NBEAL1: variants seen among roughly 807,000 people sequenced by gnomAD.
The protein encoded by NBEAL1 is neurobeachin like 1.
A neutral mutation model predicts 351.3 loss-of-function variants in NBEAL1; 273 were observed. The ratio of observed to expected loss-of-function variants is 0.78; its 90% CI spans 0.70 to 0.86. The LOEUF is 0.86. Ranked by LOEUF, NBEAL1 falls within the 40% of genes least tolerant of loss-of-function variation. The pLI, the probability that NBEAL1 is intolerant of heterozygous loss-of-function variation, is 0.00. For missense variants in NBEAL1, 2,961 were observed against 3,201.3 expected, an observed-to-expected ratio of 0.92 and a Z score of 1.81; for synonymous variants, 1,050 against 1,086.4, an observed-to-expected ratio of 0.97 and a Z score of 0.66.
intron 51 of NBEAL1, among the ~76,000 whole-genome samples, chr2:203,208,189 G>A (rs1241255585): frequency 6.6e-6 from 1 of 152,098 alleles, no homozygotes; most frequent in Non-Finnish European, 1.5e-5. Flanking sequence ...GGGAGGCTAA[G>A]GTGGGAGGAT....
At chr2:203,211,814 A>G (rs914452692) in intron 54 of NBEAL1, among the ~76,000 whole-genome samples, 1 of 152,190 alleles carries the variant, frequency 6.6e-6, no homozygotes, top group Non-Finnish European at 1.5e-5. Flanking sequence ...GTGTGTGTAT[A>G]AAATTGTTAT....
chr2:203,171,394 TA>T (rs2064314765), intron 39 of NBEAL1, among the ~76,000 whole-genome samples: 1 of 151,826 alleles, frequency 6.6e-6, no homozygotes, highest in Non-Finnish European at 1.5e-5. Flanking sequence ...CACTTGAGGC[TA>T]GGAGTTTGAG....
chr2:203,117,335 C>T (rs1245885680), intron 18 of NBEAL1, among the ~76,000 whole-genome samples: 17 of 151,896 alleles, frequency 1.1e-4, no homozygotes, highest in Non-Finnish European at 2.4e-4. Flanking sequence ...CGGTGGCGGG[C>T]GCCTGTAGTC....
At chr2:203,210,052 A>G (rs942428077) in intron 53 of NBEAL1, among the ~76,000 whole-genome samples, 1 of 152,060 alleles carries the variant, frequency 6.6e-6, no homozygotes, top group Non-Finnish European at 1.5e-5. Flanking sequence ...TGCCCAGCCT[A>G]AGCTTTTTCA....
At chr2:203,085,387 C>G (rs999550359) in intron 10 of NBEAL1, 1 of 152,250 alleles carries the variant, frequency 6.6e-6, no homozygotes, top group Non-Finnish European at 1.5e-5. Flanking sequence ...CGTGCCTGGC[C>G]GAGACATAGC....
At chr2:203,150,475 A>G (rs2063621365) in intron 34 of NBEAL1, among the ~76,000 whole-genome samples, 1 of 151,994 alleles carries the variant, frequency 6.6e-6, no homozygotes, top group South Asian at 2.1e-4. Flanking sequence ...CTGATCATAT[A>G]TATGATTTTC....
chr2:203,194,776 T>C (rs2065188783), intron 47 of NBEAL1, among the ~76,000 whole-genome samples: 1 of 152,168 alleles, frequency 6.6e-6, no homozygotes, highest in South Asian at 2.1e-4. Flanking sequence ...CAGGCTGTAG[T>C]TTGTAAAACC....
chr2:203,122,593 G>C (rs1251980191), intron 19 of NBEAL1, among the ~76,000 whole-genome samples: 1 of 152,194 alleles, frequency 6.6e-6, no homozygotes, highest in Non-Finnish European at 1.5e-5. Context: ...TCATTATAAA[G>C]TCAGTGAGAA....
chr2:203,197,205 A>G (rs2065262002), intron 47 of NBEAL1, 97 bp from the exon 48 acceptor site: 2 of 649,654 alleles, frequency 3.1e-6, no homozygotes, highest in South Asian at 2.3e-5. Flanking sequence ...AAAATGATGT[A>G]TCACAGGATT....
chr2:203,217,408 A>G lies in NBEAL1; in HGVS notation c.*54A>G, dbSNP rs1194962778. 6.8e-7 allele frequency: 1 copy of G among 1,473,140 alleles called. No individual in the cohort carries two copies. Among genetic ancestry groups the G allele is most frequent in the African/African-American group, 1.4e-5 (1 of 70,526 alleles). 91.3% of individuals were successfully genotyped at this position (1,473,140 alleles called of 1,614,324 possible). On this transcript the variant is annotated 3_prime_UTR_variant, in exon 56 of 56. Transcript: ENST00000683969. ...CTGAAACCTGATTTATTGCTTTGTC[A>G]CTTTAACCACATCTCTCAACTCTCT... is the stretch of plus-strand genomic sequence containing the variant.
chr2:203,217,021 C>G (rs1053502936), intron 55 of NBEAL1, among the ~76,000 whole-genome samples: 1 of 152,156 alleles, frequency 6.6e-6, no homozygotes, highest in African/African-American at 2.4e-5. Context: ...CCAGGCTGGT[C>G]TCAAACTCCT....
intron 20 of NBEAL1, 79 bp downstream of exon 20, chr2:203,125,599 G>C (rs1575006726): frequency 8.0e-7 from 1 of 1,247,358 alleles, no homozygotes; most frequent in East Asian, 2.9e-5. Context: ...ATGTTTTACT[G>C]TCATTAGGAA....
chr2:203,021,741 A>G (rs2060775295), intron 2 of NBEAL1, among the ~76,000 whole-genome samples: 1 of 151,922 alleles, frequency 6.6e-6, no homozygotes, highest in African/African-American at 2.4e-5. Flanking sequence ...TTTGAGACTC[A>G]TATGTGTGTA....
intron 10 of NBEAL1, among the ~76,000 whole-genome samples, chr2:203,093,484 A>C (rs1264365396): frequency 3.9e-5 from 6 of 152,228 alleles, no homozygotes; most frequent in African/African-American, 1.4e-4. Flanking sequence ...CATGACCTTT[A>C]AAAGTTAATT....
At chr2:203,136,808 T>C in intron 29 of NBEAL1, 34 bp downstream of exon 29, 1 of 1,577,246 alleles carries the variant, frequency 6.3e-7, no homozygotes. Context: ...CCATCCTCCT[T>C]TTGGTGACAG....
At chr2:203,087,846 C>T (rs2106178098) in intron 10 of NBEAL1, among the ~76,000 whole-genome samples, 1 of 152,264 alleles carries the variant, frequency 6.6e-6, no homozygotes, top group Middle Eastern at 3.4e-3. Context: ...AATTTCTTCT[C>T]TCCCATCATT....
At position 203,116,010 on chromosome 2, in the gene NBEAL1, G is replaced by A. The variant is rs371316448; in HGVS notation, c.2532G>A (p.Lys844=). The change falls in exon 18 of 56, where the codon AAG becomes AAA. Residue 844 remains lysine (K), a synonymous_variant. Transcript: ENST00000683969. ...GTCCAAATTGTTTAAGCCCTTGGAA[G>A]TGTCAAGAGTCTGACATGGCCGACC... ...LAGPNCLSPW[K]CQESDMADLP... The A allele has an allele frequency of 1.9e-6, 3 of 1,553,148 alleles. No homozygotes were observed. The highest frequency in any genetic ancestry group is 2.6e-6 in the Non-Finnish European group (3 of 1,147,198).
chr2:203,029,871 A>G (rs2060923374), intron 2 of NBEAL1, among the ~76,000 whole-genome samples: 1 of 152,026 alleles, frequency 6.6e-6, no homozygotes, highest in Non-Finnish European at 1.5e-5. Context: ...TTTTCCTTTC[A>G]TTAAAATTTT....
chr2:203,151,496 A>T lies in NBEAL1; in HGVS notation c.5494A>T (p.Asn1832Tyr), dbSNP rs1211676898. Residue 1832 changes from asparagine (N) to tyrosine (Y), a missense_variant, in exon 35 of 56, where the codon AAT becomes TAT. Physicochemically the swap from Asn to Tyr is moderately radical, Grantham distance 143. Coordinates refer to ENST00000683969, the MANE Select transcript of NBEAL1 (RefSeq NM_001378026.1). ...GAATCCAATTCACTGGAAGCTAGCT[A>T]ATGTAGAGAATTATTCCCGCATGAG... is the stretch of plus-strand genomic sequence containing the variant. ...KQNPIHWKLA[N>Y]VENYSRMRLK... 6.2e-7 allele frequency: 1 copy of T among 1,605,628 alleles called. No homozygotes were observed. The highest frequency in any genetic ancestry group is 2.2e-5 in the East Asian group (1 of 44,650).
Sources: allele counts gnomAD v4.1 joint callset (sites outside exome capture counted in the v4.1 genomes callset), GRCh38; gene constraint gnomAD v4.1.1; transcripts MANE v1.5; gene names NCBI Gene and HGNC (gene_info 2026-07-23, HGNC 2026-07-21).